PTPRB: variants seen among roughly 807,000 people sequenced by gnomAD.
PTPRB encodes protein tyrosine phosphatase receptor type B.
PTPRB carries 97 observed loss-of-function variants against 238.1 expected under a neutral mutation model. That is an observed-to-expected ratio of 0.41 (90% CI 0.35 to 0.48). The LOEUF is 0.48. Ranked by LOEUF, PTPRB falls within the 20% of genes least tolerant of loss-of-function variation. The probability of loss-of-function intolerance (pLI) is 0.30; values close to 1 mark genes in which losing one functional copy is unlikely to be tolerated. For synonymous variants in PTPRB, 970 were observed against 995.4 expected (o/e 0.97, Z 0.48); for missense variants, 2,292 against 2,681.9 (o/e 0.85, Z 3.21).
At chr12:70,546,229 A>C (rs759312795) in intron 21 of PTPRB, among the ~76,000 whole-genome samples, 1 of 152,100 alleles carries the variant, frequency 6.6e-6, no homozygotes, top group Non-Finnish European at 1.5e-5. Flanking sequence ...ATTGATTTAC[A>C]ACTATCCAGC....
intron 32 of PTPRB, among the ~76,000 whole-genome samples, chr12:70,525,081 G>A (rs1398088318): frequency 6.6e-6 from 1 of 151,852 alleles, no homozygotes; most frequent in Non-Finnish European, 1.5e-5. Context: ...ACAAATGCCG[G>A]ACACTCCTAT....
chr12:70,524,197 C>T (rs1220128585), intron 33 of PTPRB, among the ~76,000 whole-genome samples: 1 of 152,024 alleles, frequency 6.6e-6, no homozygotes, highest in Non-Finnish European at 1.5e-5. Context: ...TAGCCTTGAC[C>T]TCCCAAGCCC....
At position 70,552,766 on chromosome 12, in the gene PTPRB, A is replaced by G; in HGVS notation, c.5387+11T>C. On this transcript the variant is annotated intron_variant, in intron 21 of 33. Coordinates refer to ENST00000334414, the MANE Select transcript of PTPRB (RefSeq NM_001109754.4). ...TGTCCCTTCTAGCAAAACAGTGGTA[A>G]TATATCTAACCTGTAGGCAGTGTGT... 1 of 1,613,642 alleles carries G rather than the reference A, an allele frequency of 6.2e-7. No individual in the cohort carries two copies. Among genetic ancestry groups the G allele is most frequent in the East Asian group, 2.2e-5 (1 of 44,876 alleles).
In PTPRB at chr12:70,571,834, A is replaced by G; in HGVS notation, c.3096T>C (p.Asn1032=). The G allele has an allele frequency of 6.2e-7, 1 of 1,612,050 alleles. No homozygotes were observed. The highest frequency in any genetic ancestry group is 1.1e-5 in the South Asian group (1 of 90,808). The change falls in exon 12 of 34, where the codon AAT becomes AAC. Residue 1032 remains asparagine (N), a synonymous_variant. Transcript: ENST00000334414. ...AATCGTTCCACTTACTTGTTCTCCC[A>G]TTCCCTTGTTCATTGGCTTCATATT... ...SGQYEANEQG[N]GRTIPEPVKD... is the part of the protein sequence containing the mutation.
At chr12:70,543,717 A>G (rs1045856202) in intron 22 of PTPRB, among the ~76,000 whole-genome samples, 1 of 152,304 alleles carries the variant, frequency 6.6e-6, no homozygotes, top group Admixed American at 6.5e-5. Flanking sequence ...TTGGGAGGGA[A>G]GGTGATGAAA....
intron 18 of PTPRB, among the ~76,000 whole-genome samples, chr12:70,557,157 G>A (rs17226409): frequency 0.17 from 26,138 of 152,100 alleles, 2,385 homozygotes; most frequent in South Asian, 0.29. Flanking sequence ...GGCATTCTAC[G>A]TAGAGAAAAA....
At chr12:70,597,589 T>C (rs1367301039) in intron 4 of PTPRB, among the ~76,000 whole-genome samples, 1 of 152,086 alleles carries the variant, frequency 6.6e-6, no homozygotes, top group Non-Finnish European at 1.5e-5. Flanking sequence ...TGGTTCTTGG[T>C]CTAGAAAGTG....
chr12:70,571,936 C>A lies in PTPRB; in HGVS notation c.2994G>T (p.Lys998Asn), dbSNP rs1275738767. ...NNFIQTKSIP[K>N]SENECVFVQL... Reference sequence around the variant, plus strand: ...GAACAAATACACATTCGTTTTCTGACTTGGGAATGCTTTTAGTTTGAATGA... The same window carrying A: ...GAACAAATACACATTCGTTTTCTGAATTGGGAATGCTTTTAGTTTGAATGA... The change falls in exon 12 of 34, where the codon AAG becomes AAT. Residue 998 changes from lysine to asparagine, a missense_variant. Lys to Asn is a moderately conservative substitution (Grantham distance 94). Transcript: ENST00000334414. 5 of 1,613,942 alleles carry A rather than the reference C, an allele frequency of 3.1e-6. No individual in the cohort carries two copies. The highest frequency in any genetic ancestry group is 3.4e-6 in the Non-Finnish European group (4 of 1,179,882).
At chr12:70,577,766 A>G (rs1880948786) in intron 10 of PTPRB, among the ~76,000 whole-genome samples, 1 of 152,222 alleles carries the variant, frequency 6.6e-6, no homozygotes, top group Admixed American at 6.5e-5. Context: ...CATCACTAAA[A>G]ATTATAAACT....
intron 6 of PTPRB, among the ~76,000 whole-genome samples, chr12:70,592,843 T>A (rs1030254409): frequency 6.6e-6 from 1 of 152,246 alleles, no homozygotes. Flanking sequence ...ATTAGTCAGC[T>A]GGGAAACTCT....
intron 20 of PTPRB, among the ~76,000 whole-genome samples, chr12:70,553,696 G>C (rs1206650025): frequency 2.6e-5 from 4 of 152,210 alleles, no homozygotes; most frequent in African/African-American, 9.6e-5. Flanking sequence ...ATAGAGATCA[G>C]ATACTATTTA....
At chr12:70,572,606 A>G (rs529254946) in intron 11 of PTPRB, among the ~76,000 whole-genome samples, 1 of 151,730 alleles carries the variant, frequency 6.6e-6, no homozygotes, top group Non-Finnish European at 1.5e-5. Flanking sequence ...CGTCTCTACT[A>G]AAAAATACAA....
At chr12:70,585,561 A>G (rs937600187) in intron 9 of PTPRB, among the ~76,000 whole-genome samples, 1 of 151,784 alleles carries the variant, frequency 6.6e-6, no homozygotes, top group Admixed American at 6.6e-5. Context: ...TTCCCCTTTC[A>G]TCTCCATCAC....
chr12:70,609,037 T>C, intron 4 of PTPRB, 32 bp downstream of exon 4: 1 of 1,610,022 alleles, frequency 6.2e-7, no homozygotes, highest in Non-Finnish European at 8.5e-7. Context: ...CCCGTGTGGC[T>C]TGGCCATCCA....
At chr12:70,548,985 A>T (rs1412411846) in intron 21 of PTPRB, among the ~76,000 whole-genome samples, 3 of 152,148 alleles carry the variant, frequency 2.0e-5, no homozygotes, top group East Asian at 3.9e-4. Context: ...CACAGAATTT[A>T]TTTTCCTTTA....
chr12:70,553,728 G>A (rs1300053480), intron 20 of PTPRB, among the ~76,000 whole-genome samples: 3 of 152,230 alleles, frequency 2.0e-5, no homozygotes, highest in African/African-American at 7.2e-5. Flanking sequence ...AAGAAGTGGT[G>A]CAGTGAGGGT....
chr12:70,539,139 T>C, intron 26 of PTPRB, 125 bp from the exon 27 acceptor site: 1 of 767,570 alleles, frequency 1.3e-6, no homozygotes, highest in Non-Finnish European at 2.2e-6. Context: ...GAATGCCTAG[T>C]ACTCAACATG....
intron 32 of PTPRB, among the ~76,000 whole-genome samples, chr12:70,524,845 A>ATATATGTGTG (rs1241012050): frequency 6.8e-6 from 1 of 146,142 alleles, no homozygotes; most frequent in South Asian, 2.1e-4. Context: ...ATATGTGTGT[A>ATATATGTGTG]TATATGTGTG....
Position 70,534,825 on chromosome 12 carries a change from T to TAACA in PTPRB, c.6204+4_6204+7dup. 6.2e-7 allele frequency: 1 copy of TAACA among 1,613,442 alleles called. No individual in the cohort carries two copies. The highest frequency in any genetic ancestry group is 1.1e-5 in the South Asian group (1 of 91,028). On this transcript the variant is annotated splice_region_variant and intron_variant, in intron 30 of 33. Transcript: ENST00000334414. ...AGCTCGGTTGTTAAGTCAAGCAAGC[T>TAACA]AACATACACCGCATATCTTAAACTC...
Sources: gnomAD v4.1 joint callset for allele counts (sites outside exome capture counted in the v4.1 genomes callset) on GRCh38, gnomAD v4.1.1 for gene constraint, MANE v1.5 for transcripts, NCBI Gene and HGNC (gene_info 2026-07-23, HGNC 2026-07-21) for gene names.